Variants in RIMKLB observed in about 807,000 individuals in gnomAD.
The protein encoded by RIMKLB is ribosomal modification protein rimK like family member B, also known as beta-citrylglutamate synthase B.
In RIMKLB, 7 loss-of-function variants were observed where a neutral mutation model predicts 32.0. That is an observed-to-expected ratio of 0.22 (90% CI 0.12 to 0.41). RIMKLB has a LOEUF of 0.41. RIMKLB is among the 10% of genes least tolerant of loss of function. The pLI is 1.00. For missense variants in RIMKLB, 289 were observed against 498.7 expected, an observed-to-expected ratio of 0.58 and a Z score of 4.00; for synonymous variants, 172 against 185.1, an observed-to-expected ratio of 0.93 and a Z score of 0.57.
At chr12:8,679,824 A>G (rs1377116695), upstream of RIMKLB, among the ~76,000 whole-genome samples, 1 of 152,238 alleles carries the variant, frequency 6.6e-6, no homozygotes, top group Non-Finnish European at 1.5e-5. Flanking sequence ...TCCTGCTGTC[A>G]GAGGCATGTG....
upstream of RIMKLB, among the ~76,000 whole-genome samples, chr12:8,694,809 G>C (rs772483818): frequency 1.4e-4 from 22 of 152,254 alleles, no homozygotes; most frequent in African/African-American, 5.3e-4. Flanking sequence ...TATAGAGTTG[G>C]TCTTACACTC....
In RIMKLB at chr12:8,753,949, C is replaced by T. The variant is rs1591908407; in HGVS notation, c.553C>T (p.Arg185Cys). The change falls in exon 5 of 6, where the codon CGC becomes TGC. Residue 185 changes from arginine to cysteine, a missense_variant. Coordinates refer to ENST00000535829, the MANE Select transcript of RIMKLB (RefSeq NM_001297776.2). ...TTTGGCTGATCTAAGCCATCTTATT[C>T]GCCATGAAGCGCCATACCTGTTCCA... ...HHLADLSHLI[R>C]HEAPYLFQKY... 1.1e-5 allele frequency: 17 copies of T among 1,613,872 alleles called. No homozygotes were observed. The highest frequency in any genetic ancestry group is 2.2e-5 in the South Asian group (2 of 91,074).
chr12:8,674,484 C>G, the RIMKLB span, among the ~76,000 whole-genome samples: 1 of 151,692 alleles, frequency 6.6e-6, no homozygotes. Flanking sequence ...TGTGATCCGC[C>G]TGCCTCGGCC....
intron 5 of RIMKLB, among the ~76,000 whole-genome samples, chr12:8,758,504 C>T (rs886077414): frequency 6.6e-6 from 1 of 152,020 alleles, no homozygotes. Flanking sequence ...TGTGGTATTT[C>T]TTCTTCTTTT....
At chr12:8,670,187 A>G in the RIMKLB span, among the ~76,000 whole-genome samples, 2 of 152,080 alleles carry the variant, frequency 1.3e-5, no homozygotes. Flanking sequence ...TCCAAATCTC[A>G]TGTCCTCACA....
intron 1 of RIMKLB, among the ~76,000 whole-genome samples, chr12:8,709,862 G>GA (rs1047303191): frequency 6.6e-6 from 1 of 150,884 alleles, no homozygotes; most frequent in Non-Finnish European, 1.5e-5. Context: ...GTATGTTTAG[G>GA]AAAAAACATA....
chr12:8,765,166 C>T (rs1183388901), intron 5 of RIMKLB, among the ~76,000 whole-genome samples: 1 of 151,922 alleles, frequency 6.6e-6, no homozygotes, highest in Non-Finnish European at 1.5e-5. Context: ...TCAGTGCTTC[C>T]CTTAGTCTCT....
intron 5 of RIMKLB, among the ~76,000 whole-genome samples, chr12:8,761,441 C>T (rs1949512949): frequency 1.3e-5 from 2 of 151,802 alleles, no homozygotes; most frequent in African/African-American, 4.8e-5. Flanking sequence ...AGAGCGAAAA[C>T]AGAGCTCCCA....
intron 5 of RIMKLB, among the ~76,000 whole-genome samples, chr12:8,760,493 G>T (rs1291463418): frequency 6.6e-6 from 1 of 152,190 alleles, no homozygotes; most frequent in East Asian, 1.9e-4. Context: ...GGTATTTCTA[G>T]TTATAGGTCC....
chr12:8,739,779 CTCT>C (rs1947331322), intron 2 of RIMKLB, among the ~76,000 whole-genome samples: 1 of 152,106 alleles, frequency 6.6e-6, no homozygotes, highest in East Asian at 1.9e-4. Flanking sequence ...GGCTTCTTGT[CTCT>C]TCTTATAAAG....
At chr12:8,781,515 A>T (rs1951038889), downstream of RIMKLB, among the ~76,000 whole-genome samples, 1 of 150,790 alleles carries the variant, frequency 6.6e-6, no homozygotes, top group Non-Finnish European at 1.5e-5. Flanking sequence ...CTCTGCCATC[A>T]GTTCCACCCT....
chr12:8,772,904 C>T (rs1367028509), intron 5 of RIMKLB, among the ~76,000 whole-genome samples: 1 of 152,148 alleles, frequency 6.6e-6, no homozygotes, highest in Non-Finnish European at 1.5e-5. Context: ...GAAGTGGGGG[C>T]TATAGAGGAA....
At chr12:8,771,131 G>T (rs1410049220) in intron 5 of RIMKLB, among the ~76,000 whole-genome samples, 2 of 152,086 alleles carry the variant, frequency 1.3e-5, no homozygotes, top group East Asian at 1.9e-4. Context: ...TATCCAATTG[G>T]ATAGACATAA....
At chr12:8,763,595 A>G (rs945153423) in intron 5 of RIMKLB, among the ~76,000 whole-genome samples, 2 of 152,194 alleles carry the variant, frequency 1.3e-5, no homozygotes, top group Admixed American at 1.3e-4. Flanking sequence ...GCTTTTGGAT[A>G]ATTTTAGCCC....
downstream of RIMKLB, chr12:8,779,835 C>T (rs1950929729): frequency 1.3e-5 from 2 of 152,162 alleles, no homozygotes; most frequent in Non-Finnish European, 2.9e-5. Flanking sequence ...TGTTGATGCC[C>T]AGTTCTACAA....
downstream of RIMKLB, chr12:8,779,626 A>AACTACATATTTTTATCTTG (rs1363687355): frequency 6.6e-6 from 1 of 152,262 alleles, no homozygotes; most frequent in Non-Finnish European, 1.5e-5. Flanking sequence ...AAGTTGGCAA[A>AACTACATATTTTTATCTTG]ACTACATATT....
the RIMKLB span, among the ~76,000 whole-genome samples, chr12:8,669,797 G>T: frequency 6.6e-6 from 1 of 151,940 alleles, no homozygotes; most frequent in Middle Eastern, 3.2e-3. Context: ...GGAGGCCGAG[G>T]CGGGCGGATC....
intron 5 of RIMKLB, among the ~76,000 whole-genome samples, chr12:8,770,241 G>C (rs1167493226): frequency 6.6e-6 from 1 of 152,180 alleles, no homozygotes; most frequent in Non-Finnish European, 1.5e-5. Context: ...GGGATTACAG[G>C]CATGAGCCAC....
intron 5 of RIMKLB, among the ~76,000 whole-genome samples, chr12:8,757,226 T>G (rs1165006331): frequency 6.6e-6 from 1 of 152,072 alleles, no homozygotes; most frequent in African/African-American, 2.4e-5. Flanking sequence ...CTTTTTTCAT[T>G]AAGTTTGTTT....
Sources: allele counts gnomAD v4.1 joint callset (sites outside exome capture counted in the v4.1 genomes callset), GRCh38; gene constraint gnomAD v4.1.1; transcripts MANE v1.5; gene names NCBI Gene and HGNC (gene_info 2026-07-23, HGNC 2026-07-21).